The following FIG4 variants were observed in gnomAD, a reference collection of about 807,000 sequenced individuals.
The protein encoded by FIG4 is FIG4 phosphoinositide 5-phosphatase, also known as polyphosphoinositide phosphatase.
A neutral mutation model predicts 118.6 loss-of-function variants in FIG4; 112 were observed. The ratio of observed to expected loss-of-function variants is 0.94; its 90% CI spans 0.81 to 1.11. FIG4 has a LOEUF of 1.11. Ranked by LOEUF, FIG4 falls within the 50% of genes least tolerant of loss-of-function variation. The pLI is 0.00. For synonymous variants in FIG4, 369 were observed against 381.2 expected, an observed-to-expected ratio of 0.97 and a Z score of 0.37; for missense variants, 969 against 1,111.7, an observed-to-expected ratio of 0.87 and a Z score of 1.83.
intron 10 of FIG4, 55 bp downstream of exon 10, chr6:109,743,827 TC>T: frequency 8.1e-7 from 1 of 1,234,282 alleles, no homozygotes; most frequent in South Asian, 1.2e-5. Flanking sequence ...GGAAGCCTCT[TC>T]CTCAACACAG....
intron 1 of FIG4, among the ~76,000 whole-genome samples, chr6:109,711,813 G>T (rs1375287623): frequency 1.3e-5 from 2 of 152,084 alleles, no homozygotes; most frequent in Non-Finnish European, 2.9e-5. Context: ...GGATGTTAGC[G>T]GTCATTTTGC....
rs3799851 is a variant in FIG4, at chr6:109,730,893, C to T, written c.447-1744C>T. On this transcript the variant is annotated intron_variant, in intron 4 of 22. Transcript: ENST00000230124. ...AAGGCAAACAATGCTATATTTGATA[C>T]TGTAAATATTCAAAATGTATTTATA... is the stretch of plus-strand genomic sequence containing the variant. Among the ~76,000 whole-genome samples, 73 of 152,080 alleles carry T rather than the reference C, an allele frequency of 4.8e-4. 1 individual carries two copies. In the East Asian group the frequency reaches 0.014, roughly 29 times the overall value.
At chr6:109,700,345 C>T (rs539757165) in intron 1 of FIG4, among the ~76,000 whole-genome samples, 61 of 152,072 alleles carry the variant, frequency 4.0e-4, no homozygotes, top group Non-Finnish European at 7.1e-4. Context: ...GCAAAAATAT[C>T]TTATAAAATC....
chr6:109,743,828 C>A (rs1369209514), intron 10 of FIG4, 56 bp downstream of exon 10: 4 of 1,228,862 alleles, frequency 3.3e-6, no homozygotes, highest in East Asian at 4.7e-5. Flanking sequence ...GAAGCCTCTT[C>A]CTCAACACAG....
chr6:109,789,663 A>T lies in FIG4; in HGVS notation c.2166A>T (p.Gly722=), dbSNP rs777075808. The T allele has an allele frequency of 1.2e-6, 2 of 1,611,368 alleles. No individual in the cohort carries two copies. The highest frequency in any genetic ancestry group is 1.7e-6 in the Non-Finnish European group (2 of 1,177,548). ...PFTVRKPDET[G]KSVLGNKSNR... The stretch of plus-strand genomic sequence containing the variant: ...CTGTGCGTAAACCAGATGAAACTGG[A>T]AAATCAGTATTGGGGTAAGATTTGT... Residue 722 remains glycine (G), a synonymous_variant, in exon 19 of 23, where the codon GGA becomes GGT. Transcript: ENST00000230124.
intron 15 of FIG4, among the ~76,000 whole-genome samples, chr6:109,774,828 G>A (rs1583715294): frequency 6.6e-6 from 1 of 152,214 alleles, no homozygotes; most frequent in South Asian, 2.1e-4. Flanking sequence ...TGAGGTAGGG[G>A]TCTAACATCA....
chr6:109,727,649 T>C (rs1427557174), intron 4 of FIG4, among the ~76,000 whole-genome samples: 1 of 152,212 alleles, frequency 6.6e-6, no homozygotes, highest in Non-Finnish European at 1.5e-5. Context: ...GGAATAAGTA[T>C]TTTTATGATG....
intron 16 of FIG4, among the ~76,000 whole-genome samples, chr6:109,782,486 C>T (rs1190561442): frequency 6.6e-6 from 1 of 152,168 alleles, no homozygotes; most frequent in Non-Finnish European, 1.5e-5. Context: ...GGTCTTAAAT[C>T]ATGAATACAT....
At chr6:109,747,245 T>C (rs1040816928) in intron 10 of FIG4, among the ~76,000 whole-genome samples, 2 of 152,042 alleles carry the variant, frequency 1.3e-5, no homozygotes, top group Non-Finnish European at 2.9e-5. Context: ...TTTGAAGGCA[T>C]GGGCATGGAT....
intron 16 of FIG4, among the ~76,000 whole-genome samples, chr6:109,783,934 A>G (rs1160973668): frequency 2.6e-5 from 4 of 152,178 alleles, no homozygotes; most frequent in Admixed American, 2.6e-4. Flanking sequence ...ATTAGGCTTC[A>G]TATTCCTTTT....
intron 1 of FIG4, 124 bp downstream of exon 1, chr6:109,691,625 C>G (rs1490467133): frequency 1.1e-6 from 1 of 921,416 alleles, no homozygotes; most frequent in African/African-American, 1.6e-5. Context: ...AAATCCCTGT[C>G]AAACACAGCC....
intron 1 of FIG4, among the ~76,000 whole-genome samples, chr6:109,707,941 C>A (rs1775139117): frequency 1.3e-5 from 2 of 150,178 alleles, no homozygotes; most frequent in Admixed American, 1.3e-4. Flanking sequence ...AAAGCATTTT[C>A]ATTTAAATAT....
rs1777189669 is a variant in FIG4 at position 109,763,923 on chromosome 6, A to C, written c.1389-14A>C. ...GCCATTAAGTTTTTTAAAAGTGTTT[A>C]TTTTTAAACACAGGTGGAATGAACT... On this transcript the variant is annotated splice_polypyrimidine_tract_variant and intron_variant, in intron 12 of 22. Coordinates refer to ENST00000230124, the MANE Select transcript of FIG4 (RefSeq NM_014845.6). 1.3e-6 allele frequency: 2 copies of C among 1,597,778 alleles called. No individual in the cohort carries two copies. The highest frequency in any genetic ancestry group is 2.7e-5 in the African/African-American group (2 of 74,578).
chr6:109,786,055 T>C (rs139347208), intron 17 of FIG4: 152 of 516,184 alleles, frequency 2.9e-4, no homozygotes, highest in African/African-American at 2.6e-3. Flanking sequence ...CCTGCTCCCA[T>C]TGGACTTCCT....
intron 10 of FIG4, among the ~76,000 whole-genome samples, chr6:109,753,584 G>A (rs1354111202): frequency 6.6e-6 from 1 of 152,198 alleles, no homozygotes; most frequent in African/African-American, 2.4e-5. Context: ...AGCATGGAAT[G>A]TTCTTCCATT....
intron 22 of FIG4, among the ~76,000 whole-genome samples, chr6:109,805,771 A>G (rs1261210933): frequency 1.3e-5 from 2 of 152,220 alleles, no homozygotes; most frequent in Admixed American, 6.5e-5. Context: ...AGCATTGTAT[A>G]TCAGAGAAAT....
At chr6:109,802,619 T>G (rs1158124571) in intron 22 of FIG4, among the ~76,000 whole-genome samples, 2 of 152,254 alleles carry the variant, frequency 1.3e-5, no homozygotes, top group African/African-American at 2.4e-5. Context: ...TGAATGCATC[T>G]CTTCTGGATC....
chr6:109,764,895 T>C (rs987921543), intron 13 of FIG4, 118 bp from the exon 14 acceptor site: 7 of 811,090 alleles, frequency 8.6e-6, no homozygotes, highest in Non-Finnish European at 1.4e-5. Flanking sequence ...CCCACAGACT[T>C]TTTTTGTTTT....
intron 5 of FIG4, among the ~76,000 whole-genome samples, chr6:109,733,948 G>T (rs1776083513): frequency 6.6e-6 from 1 of 151,778 alleles, no homozygotes; most frequent in South Asian, 2.1e-4. Flanking sequence ...CTTTTAAAAA[G>T]GTTATAATAT....
Sources: allele counts gnomAD v4.1 joint callset (sites outside exome capture counted in the v4.1 genomes callset), GRCh38; gene constraint gnomAD v4.1.1; transcripts MANE v1.5; gene names NCBI Gene and HGNC (gene_info 2026-07-23, HGNC 2026-07-21).